The following GRIK4 variants were observed in gnomAD, a reference collection of about 807,000 sequenced individuals.
GRIK4 encodes glutamate ionotropic receptor kainate type subunit 4.
A neutral mutation model predicts 104.9 loss-of-function variants in GRIK4; 40 were observed. The ratio of observed to expected loss-of-function variants is 0.38; its 90% CI spans 0.30 to 0.50. GRIK4 has a LOEUF of 0.50. GRIK4 is among the 20% of genes least tolerant of loss of function. The pLI, the probability that GRIK4 is intolerant of heterozygous loss-of-function variation, is 0.93. For missense variants in GRIK4, 1,047 were observed against 1,308.1 expected, an observed-to-expected ratio of 0.80 and a Z score of 3.08; for synonymous variants, 485 against 524.9, an observed-to-expected ratio of 0.92 and a Z score of 1.04.
At chr11:120,851,060 C>T (rs12286020) in intron 8 of GRIK4, among the ~76,000 whole-genome samples, 7,547 of 152,070 alleles carry the variant, frequency 0.05, 619 homozygotes, top group African/African-American at 0.17. Context: ...ATGTGGTAGA[C>T]GCATCTCCTG....
intron 2 of GRIK4, among the ~76,000 whole-genome samples, chr11:120,656,191 A>G (rs1245626003): frequency 1.3e-5 from 2 of 152,232 alleles, no homozygotes; most frequent in African/African-American, 4.8e-5. Context: ...GAAGACCCCA[A>G]ATGTCTTTGT....
At chr11:120,644,345 T>G (rs1429829413) in intron 1 of GRIK4, among the ~76,000 whole-genome samples, 1 of 152,190 alleles carries the variant, frequency 6.6e-6, no homozygotes, top group Non-Finnish European at 1.5e-5. Flanking sequence ...CGTTGTGAAT[T>G]ATATTTATTG....
chr11:120,841,226 CT>C (rs1219491938), intron 8 of GRIK4, among the ~76,000 whole-genome samples: 1 of 152,126 alleles, frequency 6.6e-6, no homozygotes, highest in Non-Finnish European at 1.5e-5. Context: ...CATTTTTCAC[CT>C]TTTCAGAATG....
intron 3 of GRIK4, among the ~76,000 whole-genome samples, chr11:120,773,930 G>A (rs1253749536): frequency 1.3e-5 from 2 of 152,126 alleles, no homozygotes; most frequent in Non-Finnish European, 2.9e-5. Context: ...ACCCTCAAGT[G>A]AACAAACCAT....
intron 3 of GRIK4, among the ~76,000 whole-genome samples, chr11:120,677,576 G>A (rs1565289588): frequency 6.6e-6 from 1 of 152,314 alleles, no homozygotes; most frequent in South Asian, 2.1e-4. Flanking sequence ...CAAAGAAATA[G>A]GATATTTTGT....
intron 3 of GRIK4, among the ~76,000 whole-genome samples, chr11:120,666,167 G>C (rs927003652): frequency 6.6e-6 from 1 of 152,342 alleles, no homozygotes; most frequent in East Asian, 1.9e-4. Flanking sequence ...TGTATAGCGT[G>C]TTCTTACACA....
intron 3 of GRIK4, among the ~76,000 whole-genome samples, chr11:120,662,755 C>G (rs1949838742): frequency 6.6e-6 from 1 of 152,108 alleles, no homozygotes; most frequent in South Asian, 2.1e-4. Context: ...TTCCCCAACC[C>G]CAGCCTCAGA....
At chr11:120,937,191 AC>A (rs1156726870) in intron 13 of GRIK4, among the ~76,000 whole-genome samples, 1 of 152,098 alleles carries the variant, frequency 6.6e-6, no homozygotes, top group African/African-American at 2.4e-5. Flanking sequence ...GACGTGCACC[AC>A]CATGCCCAGC....
chr11:120,817,484 C>G (rs1435903581), intron 5 of GRIK4, among the ~76,000 whole-genome samples: 1 of 152,150 alleles, frequency 6.6e-6, no homozygotes, highest in African/African-American at 2.4e-5. Flanking sequence ...GCTGATTCTC[C>G]CCTGCTCCAG....
At chr11:120,695,014 T>C (rs1591811251) in intron 3 of GRIK4, among the ~76,000 whole-genome samples, 1 of 152,098 alleles carries the variant, frequency 6.6e-6, no homozygotes, top group Non-Finnish European at 1.5e-5. Flanking sequence ...AAAAAAAGAA[T>C]CCCGAGCCTC....
intron 1 of GRIK4, among the ~76,000 whole-genome samples, chr11:120,636,734 G>A (rs2135192454): frequency 6.6e-6 from 1 of 152,328 alleles, no homozygotes; most frequent in Middle Eastern, 3.4e-3. Context: ...CAGCTACTTG[G>A]GAGGCTGAGG....
At chr11:120,739,910 A>T (rs1951296625) in intron 3 of GRIK4, among the ~76,000 whole-genome samples, 1 of 152,204 alleles carries the variant, frequency 6.6e-6, no homozygotes, top group Non-Finnish European at 1.5e-5. Context: ...TAACAAGATC[A>T]CACACAGACC....
chr11:120,928,244 A>G (rs1481254769), intron 13 of GRIK4, among the ~76,000 whole-genome samples: 2 of 150,760 alleles, frequency 1.3e-5, no homozygotes. Context: ...AGAAGGCGAC[A>G]CGGAGAAAAA....
At chr11:120,934,196 C>T (rs1293311183) in intron 13 of GRIK4, among the ~76,000 whole-genome samples, 1 of 121,308 alleles carries the variant, frequency 8.2e-6, no homozygotes, top group African/African-American at 3.6e-5. Flanking sequence ...CAGAGCGAGA[C>T]TCCGTCTCAA....
chr11:120,667,356 G>C (rs1949931938), intron 3 of GRIK4, among the ~76,000 whole-genome samples: 1 of 152,250 alleles, frequency 6.6e-6, no homozygotes, highest in African/African-American at 2.4e-5. Context: ...TGGGCTGTCT[G>C]GGTGCTTCCT....
At chr11:120,690,698 C>T (rs2135308701) in intron 3 of GRIK4, among the ~76,000 whole-genome samples, 1 of 152,348 alleles carries the variant, frequency 6.6e-6, no homozygotes, top group South Asian at 2.1e-4. Context: ...TGTGGCTTTG[C>T]TTTCTGATGA....
At position 120,551,950 on chromosome 11, in the gene GRIK4, C is replaced by T. The variant is rs73000611; in HGVS notation, c.-159+40063C>T. 1.8e-3 allele frequency among the ~76,000 whole-genome samples: 276 copies of T among 152,276 alleles called. 2 individuals are homozygous for T. The highest frequency in any genetic ancestry group is 6.8e-3 in the Middle Eastern group (2 of 294). Reference sequence around the variant, plus strand: ...GCCTGGGGAGGGCATATAAGCCCTGCGGCCCTTCCCCCATACCTCACCCTA... The same window carrying T: ...GCCTGGGGAGGGCATATAAGCCCTGTGGCCCTTCCCCCATACCTCACCCTA... On this transcript the variant is annotated intron_variant, in intron 1 of 20. Transcript: ENST00000527524.
chr11:120,648,751 T>C (rs902439092), intron 1 of GRIK4, among the ~76,000 whole-genome samples: 1 of 152,218 alleles, frequency 6.6e-6, no homozygotes, highest in Non-Finnish European at 1.5e-5. Context: ...GAGCTAGGTA[T>C]TGAGAGAGTC....
At chr11:120,866,839 A>G (rs1192720883) in intron 9 of GRIK4, among the ~76,000 whole-genome samples, 2 of 152,068 alleles carry the variant, frequency 1.3e-5, no homozygotes, top group African/African-American at 4.8e-5. Flanking sequence ...CTTGCTGAGG[A>G]CGGCAGGGCT....
Sources: gnomAD v4.1 joint callset for allele counts (sites outside exome capture counted in the v4.1 genomes callset) on GRCh38, gnomAD v4.1.1 for gene constraint, MANE v1.5 for transcripts, NCBI Gene and HGNC (gene_info 2026-07-23, HGNC 2026-07-21) for gene names.